The following POP1 variants were observed in gnomAD, a reference collection of about 807,000 sequenced individuals.
POP1 encodes the protein ribonucleases P/MRP protein subunit POP1.
A neutral mutation model predicts 102.2 loss-of-function variants in POP1; 75 were observed. The ratio of observed to expected loss-of-function variants is 0.73; its 90% CI spans 0.61 to 0.89. The LOEUF (loss-of-function observed/expected upper bound fraction) is 0.89, where lower values mean the gene tolerates loss of function less well. POP1 is among the 40% of genes least tolerant of loss of function. The pLI is 0.00. For missense variants in POP1, 1,116 were observed against 1,267.4 expected, an observed-to-expected ratio of 0.88 and a Z score of 1.81; for synonymous variants, 436 against 464.1, an observed-to-expected ratio of 0.94 and a Z score of 0.78.
At position 98,130,092 on chromosome 8, in the gene POP1, T is replaced by A; in HGVS notation, c.601T>A (p.Trp201Arg). ...EFNRRQKKNI[W>R]LETHIWHAKR... Reference sequence around the variant, plus strand: ...TAACCGTAGACAAAAGAAGAACATTTGGTTAGAAACTCACATCTGGCACGC... The same window carrying A: ...TAACCGTAGACAAAAGAAGAACATTAGGTTAGAAACTCACATCTGGCACGC... Residue 201 changes from tryptophan (W) to arginine (R), a missense_variant, in exon 5 of 16, where the codon TGG becomes AGG. Coordinates refer to ENST00000401707, the MANE Select transcript of POP1 (RefSeq NM_001145860.2). The A allele has an allele frequency of 1.2e-6, 2 of 1,614,144 alleles. No homozygotes were observed. The highest frequency in any genetic ancestry group is 2.2e-5 in the South Asian group (2 of 91,082).
rs1367727818 is a variant in POP1, at chr8:98,123,328, C to A, written c.-2-8C>A. ...TTCCCTGTATTAAATGTATTACTTC[C>A]TTTCCAGAAATGTCAAATGCAAAAG... On this transcript the variant is annotated splice_region_variant and splice_polypyrimidine_tract_variant and intron_variant, in intron 1 of 15. Transcript: ENST00000401707. The A allele has an allele frequency of 6.2e-7, 1 of 1,612,690 alleles. No individual in the cohort carries two copies.
chr8:98,120,710 G>C (rs1024214866), intron 1 of POP1, among the ~76,000 whole-genome samples: 12 of 151,190 alleles, frequency 7.9e-5, no homozygotes, highest in Non-Finnish European at 1.6e-4. Flanking sequence ...GCAGTGGCGC[G>C]ATCTCGGCTC....
chr8:98,149,784 GTAAA>G (rs149431668), intron 13 of POP1, among the ~76,000 whole-genome samples: 4 of 151,572 alleles, frequency 2.6e-5, no homozygotes, highest in East Asian at 1.9e-4. Flanking sequence ...AAATAAATAA[GTAAA>G]TAAATAAATA....
At chr8:98,128,575 G>T (rs1185462254) in intron 4 of POP1, 35 bp downstream of exon 4, 5 of 1,602,954 alleles carry the variant, frequency 3.1e-6, no homozygotes, top group Non-Finnish European at 4.3e-6. Flanking sequence ...GTTTAGATTA[G>T]TAGCTCCTAG....
chr8:98,129,433 A>G (rs1204439233), intron 4 of POP1, among the ~76,000 whole-genome samples: 3 of 152,218 alleles, frequency 2.0e-5, no homozygotes, highest in African/African-American at 7.2e-5. Flanking sequence ...TGAGTTCAAG[A>G]GGGAAAACTA....
chr8:98,129,333 C>G (rs1382534860), intron 4 of POP1, among the ~76,000 whole-genome samples: 3 of 152,206 alleles, frequency 2.0e-5, no homozygotes, highest in African/African-American at 7.2e-5. Flanking sequence ...CTTGAACATT[C>G]TAAGATTAAG....
At chr8:98,126,891 A>C (rs1039034117) in intron 2 of POP1, among the ~76,000 whole-genome samples, 4 of 152,176 alleles carry the variant, frequency 2.6e-5, no homozygotes, top group African/African-American at 7.2e-5. Context: ...TCCAAAATCC[A>C]AAAAAATTGG....
chr8:98,121,797 C>A lies in POP1; in HGVS notation c.-2-1539C>A, dbSNP rs1185499572. Reference sequence around the variant, plus strand: ...TTCTGGGTTCACACCATTCTCCTGCCTCAGCCTCCTGAGTAGCTGCGACTA... The same window carrying A: ...TTCTGGGTTCACACCATTCTCCTGCATCAGCCTCCTGAGTAGCTGCGACTA... On this transcript the variant is annotated intron_variant, in intron 1 of 15. Transcript: ENST00000401707. 5.3e-5 allele frequency among the ~76,000 whole-genome samples: 8 copies of A among 152,124 alleles called. No individual in the cohort carries two copies. The East Asian group carries it at 1.5e-3, about 29-fold the overall frequency.
intron 2 of POP1, among the ~76,000 whole-genome samples, chr8:98,124,655 C>T (rs545809818): frequency 2.1e-4 from 32 of 152,188 alleles, no homozygotes; most frequent in African/African-American, 6.7e-4. Context: ...AATTCATTGA[C>T]GTAATTCAGG....
chr8:98,151,197 C>T (rs1283812642), intron 14 of POP1, among the ~76,000 whole-genome samples: 1 of 152,022 alleles, frequency 6.6e-6, no homozygotes, highest in African/African-American at 2.4e-5. Context: ...GCGATTCTTT[C>T]ACCTCACCCG....
chr8:98,148,341 A>C (rs1381464873), intron 12 of POP1, among the ~76,000 whole-genome samples: 1 of 152,120 alleles, frequency 6.6e-6, no homozygotes, highest in Non-Finnish European at 1.5e-5. Flanking sequence ...GATGTTATCC[A>C]CCCCCTACAT....
chr8:98,157,110 C>T (rs1809672617), intron 15 of POP1, among the ~76,000 whole-genome samples: 1 of 152,052 alleles, frequency 6.6e-6, no homozygotes. Context: ...CTCCTGACCT[C>T]AGGTGACCCG....
intron 9 of POP1, among the ~76,000 whole-genome samples, chr8:98,139,274 C>G (rs1170156574): frequency 6.6e-6 from 1 of 152,190 alleles, no homozygotes; most frequent in East Asian, 1.9e-4. Context: ...AAATCTTCCT[C>G]AATTCCTAGT....
intron 14 of POP1, among the ~76,000 whole-genome samples, chr8:98,155,022 C>G (rs1809611557): frequency 6.6e-6 from 1 of 152,052 alleles, no homozygotes; most frequent in Non-Finnish European, 1.5e-5. Context: ...ATGTAAGAAA[C>G]TGATAATGAT....
intron 10 of POP1, 126 bp from the exon 11 acceptor site, chr8:98,140,643 A>G (rs1290863683): frequency 1.1e-6 from 1 of 910,708 alleles, no homozygotes; most frequent in East Asian, 2.5e-5. Context: ...GAGAGGGAAT[A>G]CATGTTTTTA....
chr8:98,151,571 C>G, intron 14 of POP1, among the ~76,000 whole-genome samples: 1 of 152,136 alleles, frequency 6.6e-6, no homozygotes, highest in Non-Finnish European at 1.5e-5. Context: ...TTTGCAGTGT[C>G]TAGCCAGTGC....
chr8:98,122,879 C>T (rs948440697), intron 1 of POP1, among the ~76,000 whole-genome samples: 17 of 152,162 alleles, frequency 1.1e-4, no homozygotes, highest in African/African-American at 3.9e-4. Context: ...CGGGGTCCCA[C>T]TGTTTTTGTC....
intron 9 of POP1, among the ~76,000 whole-genome samples, chr8:98,137,940 A>T (rs1314796344): frequency 2.0e-5 from 3 of 152,200 alleles, no homozygotes; most frequent in Non-Finnish European, 4.4e-5. Context: ...CCTCTCACTG[A>T]CTTGACGTGG....
chr8:98,128,401 G>GC lies in POP1; in HGVS notation c.347_348insC (p.Ala117CysfsTer61). The GC allele has an allele frequency of 6.2e-7, 1 of 1,614,112 alleles. No homozygotes were observed. Among genetic ancestry groups the GC allele is most frequent in the Non-Finnish European group, 8.5e-7 (1 of 1,180,018 alleles). ...GCTCAAGCACGAGCTGCTGAAATCA[G>GC]TGCTATGTTAAAAGCTGTGACCCAG... On this transcript the variant is annotated frameshift_variant, in exon 4 of 16. Transcript: ENST00000401707. LOFTEE classifies it high-confidence loss of function.
Sources: allele counts gnomAD v4.1 joint callset (sites outside exome capture counted in the v4.1 genomes callset), GRCh38; gene constraint gnomAD v4.1.1; transcripts MANE v1.5; gene names NCBI Gene and HGNC (gene_info 2026-07-23, HGNC 2026-07-21).